Variants in LY96 observed in about 807,000 individuals in gnomAD.
The protein encoded by LY96 is lymphocyte antigen 96, also known as myeloid differentiation protein-2.
Under a neutral mutation model 18.9 loss-of-function variants are expected in LY96, and 18 were observed. The ratio of observed to expected loss-of-function variants is 0.95; its 90% CI spans 0.66 to 1.41. The LOEUF (loss-of-function observed/expected upper bound fraction) is 1.41. Among genes scored for constraint, LY96 ranks in the 40% most tolerant of loss-of-function variants. The pLI, the probability that LY96 is intolerant of heterozygous loss-of-function variation, is 0.00. For synonymous variants in LY96, 66 were observed against 62.6 expected, an observed-to-expected ratio of 1.06 and a Z score of -0.26; for missense variants, 175 against 182.4, an observed-to-expected ratio of 0.96 and a Z score of 0.23.
At chr8:74,060,239 A>C in the LY96 span, among the ~76,000 whole-genome samples, 1 of 152,238 alleles carries the variant, frequency 6.6e-6, no homozygotes, top group Non-Finnish European at 1.5e-5. Flanking sequence ...CAAAGATAAA[A>C]GTTAAGTGTC....
the LY96 span, among the ~76,000 whole-genome samples, chr8:74,055,411 T>C: frequency 6.6e-6 from 1 of 152,188 alleles, no homozygotes; most frequent in Non-Finnish European, 1.5e-5. Context: ...TTTAAGCTTT[T>C]TTCCTTGGTC....
chr8:74,072,734 A>C, the LY96 span, among the ~76,000 whole-genome samples: 1 of 152,062 alleles, frequency 6.6e-6, no homozygotes, highest in Non-Finnish European at 1.5e-5. Flanking sequence ...ATGGCCTTTG[A>C]CAAAGTTGGG....
At chr8:74,047,680 C>G in the LY96 span, among the ~76,000 whole-genome samples, 3 of 152,222 alleles carry the variant, frequency 2.0e-5, no homozygotes, top group African/African-American at 7.2e-5. Flanking sequence ...GTGCCTAGAG[C>G]CAGAGTTTTC....
the LY96 span, among the ~76,000 whole-genome samples, chr8:74,083,225 A>G: frequency 3.1e-4 from 47 of 151,946 alleles, no homozygotes; most frequent in Non-Finnish European, 5.6e-4. Context: ...TTTAATTTTT[A>G]TTTTTTTGAG....
the LY96 span, among the ~76,000 whole-genome samples, chr8:74,084,240 T>C: frequency 3.3e-5 from 5 of 152,172 alleles, no homozygotes; most frequent in Non-Finnish European, 7.4e-5. Context: ...TGTACTTCTA[T>C]CTGGAGACAC....
chr8:74,085,572 C>T, the LY96 span, among the ~76,000 whole-genome samples: 3,671 of 152,302 alleles, frequency 0.024, 127 homozygotes, highest in African/African-American at 0.082. Context: ...GCCTTTGCCG[C>T]AGCCAGCTCC....
downstream of LY96, among the ~76,000 whole-genome samples, chr8:74,031,355 T>C (rs1050839099): frequency 3.3e-4 from 50 of 152,194 alleles, no homozygotes; most frequent in African/African-American, 1.2e-3. Context: ...TTGCTGGGTG[T>C]GGTGGCTCAC....
the LY96 span, among the ~76,000 whole-genome samples, chr8:74,081,491 T>C: frequency 6.6e-6 from 1 of 151,686 alleles, no homozygotes; most frequent in African/African-American, 2.4e-5. Context: ...GCTCCTGGGC[T>C]CAAGCTATCC....
At chr8:74,075,173 T>C in the LY96 span, among the ~76,000 whole-genome samples, 1 of 151,754 alleles carries the variant, frequency 6.6e-6, no homozygotes, top group Non-Finnish European at 1.5e-5. Flanking sequence ...CAGTGTTGAG[T>C]GCATATATAC....
chr8:74,049,932 G>A, the LY96 span, among the ~76,000 whole-genome samples: 1 of 152,118 alleles, frequency 6.6e-6, no homozygotes, highest in African/African-American at 2.4e-5. Flanking sequence ...GCAGGAGGGT[G>A]GCTTGAGCCC....
the LY96 span, among the ~76,000 whole-genome samples, chr8:74,034,628 T>C: frequency 1.8e-4 from 28 of 152,220 alleles, no homozygotes; most frequent in Non-Finnish European, 2.9e-5. Context: ...TATTGTTATT[T>C]ATTTTTCCTT....
At chr8:74,079,899 G>C in the LY96 span, among the ~76,000 whole-genome samples, 3 of 152,090 alleles carry the variant, frequency 2.0e-5, no homozygotes, top group African/African-American at 7.2e-5. Context: ...GTGTGTGTGT[G>C]TATGTGCATG....
At chr8:74,069,941 G>C in the LY96 span, among the ~76,000 whole-genome samples, 1 of 152,100 alleles carries the variant, frequency 6.6e-6, no homozygotes, top group African/African-American at 2.4e-5. Context: ...TTTCAATTAG[G>C]AGCTGTGAAA....
chr8:74,032,587 C>T (rs943963904), downstream of LY96, among the ~76,000 whole-genome samples: 4 of 152,182 alleles, frequency 2.6e-5, no homozygotes, highest in East Asian at 1.9e-4. Flanking sequence ...ATTGCTCAGT[C>T]GGAGAGCTCG....
At chr8:74,032,297 T>C (rs1816984250), downstream of LY96, among the ~76,000 whole-genome samples, 1 of 152,246 alleles carries the variant, frequency 6.6e-6, no homozygotes, top group South Asian at 2.1e-4. Context: ...TATTGTCTTA[T>C]GCCCAATTTC....
intron 2 of LY96, among the ~76,000 whole-genome samples, chr8:74,009,310 G>A (rs1025999989): frequency 1.4e-4 from 20 of 140,872 alleles, no homozygotes; most frequent in Admixed American, 6.1e-4. Context: ...CAGAAGAATT[G>A]CTTGAACCTG....
chr8:74,019,514 C>G (rs1175759760), intron 3 of LY96, among the ~76,000 whole-genome samples: 2 of 152,202 alleles, frequency 1.3e-5, no homozygotes, highest in African/African-American at 4.8e-5. Flanking sequence ...GGTACCATTT[C>G]TTCTGAAACT....
the LY96 span, among the ~76,000 whole-genome samples, chr8:74,078,623 G>A: frequency 6.6e-6 from 1 of 151,982 alleles, no homozygotes; most frequent in Non-Finnish European, 1.5e-5. Context: ...CCACTTCTCA[G>A]GCTGCCAGGG....
chr8:74,037,184 A>G, the LY96 span, among the ~76,000 whole-genome samples: 11 of 152,176 alleles, frequency 7.2e-5, no homozygotes, highest in Admixed American at 1.3e-4. Flanking sequence ...AGGTTGGCTC[A>G]ATCAGAAGGG....
Sources: gnomAD v4.1 joint callset for allele counts (sites outside exome capture counted in the v4.1 genomes callset) on GRCh38, gnomAD v4.1.1 for gene constraint, MANE v1.5 for transcripts, NCBI Gene and HGNC (gene_info 2026-07-23, HGNC 2026-07-21) for gene names.